The following GSE1 variants were observed in gnomAD, a reference collection of about 807,000 sequenced individuals.
GSE1 encodes the protein Gse1 coiled-coil protein, also known as genetic suppressor element 1.
A neutral mutation model predicts 112.6 loss-of-function variants in GSE1; 32 were observed. That is an observed-to-expected ratio of 0.28 (90% CI 0.21 to 0.38). The LOEUF is 0.38. GSE1 is among the 10% of genes least tolerant of loss of function. The pLI is 1.00. For missense variants in GSE1, 2,348 were observed against 1,699.2 expected, an observed-to-expected ratio of 1.38 and a Z score of -6.71; for synonymous variants, 1,115 against 735.6, an observed-to-expected ratio of 1.52 and a Z score of -8.35.
chr16:85,449,294 T>A (rs1054097059), intron 2 of GSE1, among the ~76,000 whole-genome samples: 2 of 152,340 alleles, frequency 1.3e-5, no homozygotes, highest in African/African-American at 4.8e-5. Context: ...GTTCCTGGCC[T>A]AACCGACTTT....
intron 2 of GSE1, among the ~76,000 whole-genome samples, chr16:85,547,756 C>G (rs2044750359): frequency 6.6e-6 from 1 of 151,690 alleles, no homozygotes; most frequent in South Asian, 2.1e-4. Flanking sequence ...TGGCATGTGC[C>G]TGTAATCAGC....
chr16:85,556,756 C>A (rs952118317), intron 1 of GSE1, among the ~76,000 whole-genome samples: 10 of 144,372 alleles, frequency 6.9e-5, no homozygotes, highest in Admixed American at 4.7e-4. Context: ...CATGCCCCCC[C>A]CCCCCCCAGT....
At position 85,672,631 on chromosome 16, in the gene GSE1, A is replaced by G. The variant is rs2053443479; in HGVS notation, c.*92A>G. 1.1e-6 allele frequency: 1 copy of G among 920,132 alleles called. No individual in the cohort carries two copies. The highest frequency in any genetic ancestry group is 1.5e-6 in the Non-Finnish European group (1 of 651,198). The allele number at this position is 920,132 out of a possible 1,614,324, so 57.0% of individuals were successfully genotyped here. Reference sequence around the variant, plus strand: ...TTAATATTTTTCACTGGGAGGTTTGAAGCTTACAAAATGAGAATGTGCCAT... The same window carrying G: ...TTAATATTTTTCACTGGGAGGTTTGGAGCTTACAAAATGAGAATGTGCCAT... On this transcript the variant is annotated 3_prime_UTR_variant, in exon 16 of 16. Coordinates refer to ENST00000253458, the MANE Select transcript of GSE1 (RefSeq NM_014615.5).
intron 8 of GSE1, 57 bp from the exon 9 acceptor site, chr16:85,661,089 C>G (rs2052389307): frequency 1.3e-6 from 2 of 1,494,044 alleles, no homozygotes; most frequent in Admixed American, 2.2e-5. Flanking sequence ...CCAGGGAAGC[C>G]TGTGGATGAC....
chr16:85,581,538 A>G (rs907476972), intron 1 of GSE1, among the ~76,000 whole-genome samples: 4 of 152,040 alleles, frequency 2.6e-5, no homozygotes, highest in Non-Finnish European at 4.4e-5. Flanking sequence ...TTGTGGGGAG[A>G]GACCCCAAGG....
intron 2 of GSE1, among the ~76,000 whole-genome samples, chr16:85,439,512 A>G (rs900764): frequency 0.77 from 116,752 of 152,042 alleles, 44,961 homozygotes; most frequent in African/African-American, 0.81. Flanking sequence ...AGGCACTCAC[A>G]GGCGGGGAAA....
Position 85,328,413 on chromosome 16 carries a change from C to T in GSE1, c.2284-29050C>T, listed in dbSNP as rs115950282. Among the ~76,000 whole-genome samples, 886 of 152,274 alleles carry T rather than the reference C, an allele frequency of 5.8e-3. 8 individuals carry two copies. The highest frequency in any genetic ancestry group is 0.02 in the African/African-American group (843 of 41,566). The stretch of plus-strand genomic sequence containing the variant: ...CCGGCTGAGCCAGATAAAGGCACAG[C>T]GGGGGCCGGAGGGAGCCGTTTTCCA... On this transcript the variant is annotated intron_variant, in intron 1 of 2. Transcript: ENST00000637419.
Position 85,663,018 on chromosome 16 carries a change from C to A in GSE1, c.2298C>A (p.Ser766Arg). ...YYDLDDSYDE[S>R]DEEEVRAHLR... ...ACCTCGATGACTCTTACGACGAGAG[C>A]GATGAGGAGGAGGTCAGGGCCCACC... Residue 766 changes from serine (S) to arginine (R), a missense_variant, in exon 10 of 16, where the codon AGC (serine) becomes AGA (arginine). Coordinates refer to ENST00000253458, the MANE Select transcript of GSE1 (RefSeq NM_014615.5). 6.2e-7 allele frequency: 1 copy of A among 1,612,688 alleles called. No individual in the cohort carries two copies.
intron 2 of GSE1, among the ~76,000 whole-genome samples, chr16:85,367,050 C>T (rs956872210): frequency 1.3e-5 from 2 of 152,232 alleles, no homozygotes; most frequent in South Asian, 2.1e-4. Flanking sequence ...CCCGCCTGGC[C>T]ACCACCCTGC....
At chr16:85,351,019 A>T (rs560103576) in intron 1 of GSE1, among the ~76,000 whole-genome samples, 1 of 152,298 alleles carries the variant, frequency 6.6e-6, no homozygotes, top group Non-Finnish European at 1.5e-5. Flanking sequence ...GGCTTAAGTG[A>T]TCTGCCTGCC....
chr16:85,250,966 A>G (rs76131039), intron 1 of GSE1, among the ~76,000 whole-genome samples: 3,080 of 152,284 alleles, frequency 0.02, 97 homozygotes, highest in African/African-American at 0.066. Context: ...TGGTTTCCGC[A>G]GTCATCCATG....
upstream of GSE1, chr16:85,613,116 G>C (rs2048102852): frequency 2.8e-6 from 3 of 1,075,170 alleles, no homozygotes; most frequent in South Asian, 2.1e-5. Flanking sequence ...GCGCGCGCCT[G>C]TGTGTTTGCG....
chr16:85,273,575 T>A (rs2144200091), intron 1 of GSE1, among the ~76,000 whole-genome samples: 1 of 151,980 alleles, frequency 6.6e-6, no homozygotes. Flanking sequence ...AGTGTATGAG[T>A]CCATTCGTAT....
At chr16:85,169,632 C>A (rs1324372540) in exon 1 of GSE1, 1 of 983,420 alleles carries the variant, frequency 1.0e-6, no homozygotes, top group Non-Finnish European at 1.2e-6. Context: ...GCGGCGGCGG[C>A]ATCGGGCGCG....
intron 1 of GSE1, among the ~76,000 whole-genome samples, chr16:85,584,542 G>A (rs1056129052): frequency 2.6e-5 from 4 of 152,320 alleles, no homozygotes; most frequent in South Asian, 2.1e-4. Flanking sequence ...GAACGCCTGC[G>A]AAGCAGTAGG....
In GSE1 at chr16:85,225,802, A is replaced by G. The variant is rs1490481196; in HGVS notation, c.2283+53995A>G. On this transcript the variant is annotated intron_variant, in intron 1 of 2. Transcript: ENST00000637419. ...CCTCAAAACATTGTAGCCTAAAACA[A>G]TAAATCTTTATCATCTCTCAGTTTC... 3.9e-5 allele frequency among the ~76,000 whole-genome samples: 6 copies of G among 152,354 alleles called. No homozygotes were observed. In the East Asian group the frequency reaches 1.2e-3, roughly 29 times the overall value.
chr16:85,611,961 G>A (rs2048012394), upstream of GSE1, among the ~76,000 whole-genome samples: 1 of 152,060 alleles, frequency 6.6e-6, no homozygotes, highest in African/African-American at 2.4e-5. Context: ...GTTTGGGGCT[G>A]GCACGAGGGG....
In GSE1 at chr16:85,675,156, T is replaced by TTAG. The variant is rs1555576767; in HGVS notation, c.*2619_*2620insGTA. On this transcript the variant is annotated 3_prime_UTR_variant, in exon 16 of 16. Coordinates refer to ENST00000253458, the MANE Select transcript of GSE1 (RefSeq NM_014615.5). ...GGCTTAAAAATTGACATGCAATCTC[T>TTAG]TAAGTTTTTTGTTCAGCTACTTCAC... is the stretch of plus-strand genomic sequence containing the variant. The TTAG allele has an allele frequency of 6.7e-6, 1 of 148,446 alleles. No individual in the cohort carries two copies. The highest frequency in any genetic ancestry group is 1.5e-5 in the Non-Finnish European group (1 of 67,944). The allele number at this position is 148,446 out of a possible 1,614,324, so 9.2% of individuals were successfully genotyped here. A position where few individuals can be genotyped will look rare whatever the true frequency, so the allele number is the denominator to read the frequency against.
intron 1 of GSE1, among the ~76,000 whole-genome samples, chr16:85,341,484 C>T (rs1455875415): frequency 1.3e-5 from 2 of 152,056 alleles, no homozygotes; most frequent in Non-Finnish European, 2.9e-5. Flanking sequence ...ATGATGAAAC[C>T]CCGTCTCTAC....
Sources: allele counts gnomAD v4.1 joint callset (sites outside exome capture counted in the v4.1 genomes callset), GRCh38; gene constraint gnomAD v4.1.1; transcripts MANE v1.5; gene names NCBI Gene and HGNC (gene_info 2026-07-23, HGNC 2026-07-21).